TRIM44: variants seen among roughly 807,000 people sequenced by gnomAD.
TRIM44 encodes tripartite motif-containing protein 44.
A neutral mutation model predicts 37.4 loss-of-function variants in TRIM44; 13 were observed. The ratio of observed to expected loss-of-function variants is 0.35; its 90% confidence interval spans 0.23 to 0.55. The LOEUF (loss-of-function observed/expected upper bound fraction) is 0.55. Among genes scored for constraint, TRIM44 ranks in the 20% least tolerant of loss-of-function variants. TRIM44 has a pLI of 0.89. For synonymous variants in TRIM44, 175 were observed against 157.2 expected (o/e 1.11, Z -0.85); for missense variants, 426 against 437.2 (o/e 0.97, Z 0.23).
chr11:35,737,708 C>T (rs1289931934), intron 4 of TRIM44, among the ~76,000 whole-genome samples: 1 of 151,926 alleles, frequency 6.6e-6, no homozygotes, highest in East Asian at 1.9e-4. Flanking sequence ...TGGTGGCGCA[C>T]ACCTGTAATC....
At chr11:35,742,819 TATTA>T (rs1439945856) in intron 4 of TRIM44, among the ~76,000 whole-genome samples, 5 of 143,224 alleles carry the variant, frequency 3.5e-5, no homozygotes, top group East Asian at 2.0e-4. Flanking sequence ...ATAATTATAA[TATTA>T]ATTATACATT....
At chr11:35,742,506 AATATAATTATATTAATTGTATTAT>A (rs1564991578) in intron 4 of TRIM44, among the ~76,000 whole-genome samples, 1 of 130,338 alleles carries the variant, frequency 7.7e-6, no homozygotes, top group Non-Finnish European at 1.6e-5. Context: ...AATTATATTA[AATATAATTATATTAATTGTATTAT>A]ATATAATTAT....
At chr11:35,740,133 C>T (rs1447535361) in intron 4 of TRIM44, among the ~76,000 whole-genome samples, 7 of 145,488 alleles carry the variant, frequency 4.8e-5, no homozygotes, top group Admixed American at 2.7e-4. Flanking sequence ...ACCTTTGAAG[C>T]CCAGAGTGAT....
At chr11:35,798,200 T>C (rs1309550820) in intron 4 of TRIM44, among the ~76,000 whole-genome samples, 3 of 152,202 alleles carry the variant, frequency 2.0e-5, no homozygotes, top group Admixed American at 1.3e-4. Context: ...AGCTTTCCAC[T>C]GAATCAAAGG....
intron 2 of TRIM44, among the ~76,000 whole-genome samples, chr11:35,721,715 G>C (rs1852109630): frequency 6.6e-6 from 1 of 152,170 alleles, no homozygotes; most frequent in African/African-American, 2.4e-5. Flanking sequence ...TTCTAACTAG[G>C]TCGCTGAGGA....
chr11:35,696,183 G>A (rs919193442), intron 2 of TRIM44, among the ~76,000 whole-genome samples: 35 of 145,048 alleles, frequency 2.4e-4, no homozygotes, highest in African/African-American at 7.0e-4. Flanking sequence ...ATGCTCTGTC[G>A]CCCAGTCTGG....
At position 35,697,237 on chromosome 11, in the gene TRIM44, C is replaced by T. The variant is rs11820699; in HGVS notation, c.747+11901C>T. ...CCTCCCCCCACCCCACAACAGGCCC[C>T]GGTGTGTGATGTTCCCCTTCCTGTG... On this transcript the variant is annotated intron_variant, in intron 2 of 4. Transcript: ENST00000299413. Among the ~76,000 whole-genome samples, 199 of 133,692 alleles carry T rather than the reference C, an allele frequency of 1.5e-3. 1 individual carries two copies. Among genetic ancestry groups the T allele is most frequent in the African/African-American group, 5.2e-3 (187 of 35,800 alleles). The allele number at this position is 133,692 out of a possible 152,430, so 87.7% of individuals were successfully genotyped here. A position where few individuals can be genotyped will look rare whatever the true frequency, so the allele number is the denominator to read the frequency against.
At chr11:35,804,890 C>G (rs1310661569) in intron 4 of TRIM44, among the ~76,000 whole-genome samples, 2 of 152,138 alleles carry the variant, frequency 1.3e-5, no homozygotes, top group African/African-American at 2.4e-5. Context: ...TGTTTCTGCC[C>G]TTAGTGGAAG....
chr11:35,719,847 C>T (rs960098157), intron 2 of TRIM44, among the ~76,000 whole-genome samples: 2 of 152,142 alleles, frequency 1.3e-5, no homozygotes, highest in Non-Finnish European at 2.9e-5. Flanking sequence ...TGTCAAAGAT[C>T]AGTTGACATA....
At chr11:35,728,484 G>T (rs749320538) in intron 3 of TRIM44, among the ~76,000 whole-genome samples, 1 of 152,168 alleles carries the variant, frequency 6.6e-6, no homozygotes, top group African/African-American at 2.4e-5. Context: ...AGCTGACAAG[G>T]CTTAAGGACC....
chr11:35,770,367 A>T (rs1852851281), intron 4 of TRIM44, among the ~76,000 whole-genome samples: 1 of 152,236 alleles, frequency 6.6e-6, no homozygotes, highest in Non-Finnish European at 1.5e-5. Context: ...TGATGAACTA[A>T]GAGCGCATGT....
At chr11:35,789,345 G>A (rs1466869127) in intron 4 of TRIM44, among the ~76,000 whole-genome samples, 1 of 152,196 alleles carries the variant, frequency 6.6e-6, no homozygotes, top group Admixed American at 6.5e-5. Flanking sequence ...AATCCAAGGA[G>A]GAAGAAGGGG....
At chr11:35,725,865 C>G (rs1048541670) in intron 2 of TRIM44, 59 bp from the exon 3 acceptor site, 2 of 1,587,248 alleles carry the variant, frequency 1.3e-6, no homozygotes, top group African/African-American at 2.7e-5. Context: ...AGTAATAACT[C>G]TGCCCTTTTG....
intron 4 of TRIM44, among the ~76,000 whole-genome samples, chr11:35,738,791 A>G (rs768876079): frequency 6.6e-5 from 10 of 152,146 alleles, no homozygotes; most frequent in Non-Finnish European, 1.5e-4. Context: ...TACACAAGGG[A>G]TGGATGAGAA....
At chr11:35,690,512 G>C (rs1322582063) in intron 2 of TRIM44, among the ~76,000 whole-genome samples, 1 of 152,126 alleles carries the variant, frequency 6.6e-6, no homozygotes, top group Non-Finnish European at 1.5e-5. Context: ...TCCTTGCCCT[G>C]TGCCAAAAAA....
At chr11:35,726,339 G>C (rs891316170) in intron 3 of TRIM44, among the ~76,000 whole-genome samples, 176 bp downstream of exon 3, 2 of 152,156 alleles carry the variant, frequency 1.3e-5, no homozygotes, top group African/African-American at 4.8e-5. Context: ...TTACTCAGTG[G>C]CTGGGCCTAC....
chr11:35,758,977 C>T (rs1852686045), intron 4 of TRIM44, among the ~76,000 whole-genome samples: 1 of 152,096 alleles, frequency 6.6e-6, no homozygotes, highest in South Asian at 2.1e-4. Flanking sequence ...AGTTATGTGT[C>T]TTGGAGTTGC....
At chr11:35,764,146 G>A (rs1005098151) in intron 4 of TRIM44, among the ~76,000 whole-genome samples, 4 of 152,130 alleles carry the variant, frequency 2.6e-5, no homozygotes, top group African/African-American at 9.7e-5. Flanking sequence ...GGAGCAACTT[G>A]TCTCATTGGT....
At chr11:35,718,160 G>A (rs1389203328) in intron 2 of TRIM44, among the ~76,000 whole-genome samples, 2 of 152,144 alleles carry the variant, frequency 1.3e-5, no homozygotes, top group Non-Finnish European at 2.9e-5. Context: ...ATTCTAGAAA[G>A]GGGGAGTCAT....
Sources: allele counts gnomAD v4.1 joint callset (sites outside exome capture counted in the v4.1 genomes callset), GRCh38; gene constraint gnomAD v4.1.1; transcripts MANE v1.5; gene names NCBI Gene and HGNC (gene_info 2026-07-23, HGNC 2026-07-21).